MORN5: variants seen among roughly 807,000 people sequenced by gnomAD.
MORN5 encodes MORN repeat containing 5, also known as MORN repeat-containing protein 5.
In MORN5, 21 loss-of-function variants were observed where a neutral mutation model predicts 22.1. The ratio of observed to expected loss-of-function variants is 0.95; its 90% CI spans 0.67 to 1.37. MORN5 has a LOEUF of 1.37. Ranked by LOEUF, MORN5 falls within the 40% of genes most tolerant of loss-of-function variation. The pLI, the probability that MORN5 is intolerant of heterozygous loss-of-function variation, is 0.00. For missense variants in MORN5, 211 were observed against 215.1 expected (o/e 0.98, Z 0.12); for synonymous variants, 73 against 74.0 (o/e 0.99, Z 0.07).
intron 2 of MORN5, among the ~76,000 whole-genome samples, chr9:122,168,616 T>A (rs975652196): frequency 3.3e-5 from 5 of 152,180 alleles, no homozygotes; most frequent in African/African-American, 1.2e-4. Context: ...CCCAGGCCAA[T>A]GCAATTTCTA....
chr9:122,193,539 T>C (rs1258098835), intron 4 of MORN5, among the ~76,000 whole-genome samples: 1 of 152,128 alleles, frequency 6.6e-6, no homozygotes, highest in African/African-American at 2.4e-5. Flanking sequence ...GAACCAAGAT[T>C]GCGCCACTGC....
chr9:122,182,938 ATTC>A (rs1829558797), intron 4 of MORN5, among the ~76,000 whole-genome samples: 1 of 152,164 alleles, frequency 6.6e-6, no homozygotes, highest in Non-Finnish European at 1.5e-5. Context: ...TGTCCTTTTC[ATTC>A]TTCTTGCCAG....
At chr9:122,198,115 G>A (rs543658676) in intron 4 of MORN5, among the ~76,000 whole-genome samples, 5 of 152,294 alleles carry the variant, frequency 3.3e-5, no homozygotes, top group East Asian at 3.9e-4. Context: ...ATCCACTGGC[G>A]ATGGACTTAG....
intron 3 of MORN5, among the ~76,000 whole-genome samples, chr9:122,169,967 G>A (rs996355939): frequency 6.6e-6 from 1 of 152,152 alleles, no homozygotes; most frequent in Admixed American, 6.5e-5. Flanking sequence ...CATGGGCAAG[G>A]GACTTTACCC....
chr9:122,174,670 CAT>C (rs762976272), intron 4 of MORN5, 43 bp downstream of exon 4: 1 of 1,613,310 alleles, frequency 6.2e-7, no homozygotes, highest in Non-Finnish European at 8.5e-7. Flanking sequence ...TCTTCACCCA[CAT>C]ATGAGTATGT....
chr9:122,189,094 C>T (rs1829702815), intron 4 of MORN5, among the ~76,000 whole-genome samples: 1 of 151,862 alleles, frequency 6.6e-6, no homozygotes, highest in Non-Finnish European at 1.5e-5. Flanking sequence ...ACTTGGGAGG[C>T]TGAGACAGGA....
chr9:122,198,268 C>T (rs1829939340), intron 4 of MORN5, among the ~76,000 whole-genome samples: 1 of 152,212 alleles, frequency 6.6e-6, no homozygotes, highest in Admixed American at 6.5e-5. Context: ...AAAAGGAAGG[C>T]ATCCCTGGCA....
intron 3 of MORN5, among the ~76,000 whole-genome samples, chr9:122,173,451 G>C (rs1014794991): frequency 2.0e-5 from 3 of 152,192 alleles, no homozygotes; most frequent in Admixed American, 1.3e-4. Flanking sequence ...TTTAGGATCA[G>C]GGTCAGTGTC....
At chr9:122,196,485 C>A (rs191818529) in intron 4 of MORN5, among the ~76,000 whole-genome samples, 1 of 152,040 alleles carries the variant, frequency 6.6e-6, no homozygotes, top group African/African-American at 2.4e-5. Context: ...AGGCACCCAC[C>A]ACCACGCCCA....
At chr9:122,190,025 C>G (rs947310257) in intron 4 of MORN5, among the ~76,000 whole-genome samples, 73 of 151,954 alleles carry the variant, frequency 4.8e-4, no homozygotes, top group African/African-American at 1.6e-3. Flanking sequence ...GAACTTTTCC[C>G]CTCACCCATC....
At chr9:122,192,379 G>A (rs768789271) in intron 4 of MORN5, among the ~76,000 whole-genome samples, 1 of 152,218 alleles carries the variant, frequency 6.6e-6, no homozygotes, top group Non-Finnish European at 1.5e-5. Context: ...CTAGGGAGGT[G>A]TGAGGCCACT....
chr9:122,189,754 C>T (rs1433282599), intron 4 of MORN5, among the ~76,000 whole-genome samples: 1 of 152,042 alleles, frequency 6.6e-6, no homozygotes, highest in Non-Finnish European at 1.5e-5. Flanking sequence ...CCACAGGTGC[C>T]CGCCACCACG....
intron 4 of MORN5, among the ~76,000 whole-genome samples, chr9:122,190,120 A>G (rs939942983): frequency 6.6e-6 from 1 of 151,966 alleles, no homozygotes; most frequent in Non-Finnish European, 1.5e-5. Context: ...GATGGCAGGC[A>G]TGCAAAGTGC....
chr9:122,199,793 C>A, intron 4 of MORN5, 92 bp from the exon 5 acceptor site: 1 of 1,216,076 alleles, frequency 8.2e-7, no homozygotes, highest in Non-Finnish European at 1.2e-6. Context: ...GACGGACCAT[C>A]CCAGTCCCAA....
chr9:122,197,506 C>T lies in MORN5; in HGVS notation c.440-2379C>T, dbSNP rs896698782. On this transcript the variant is annotated intron_variant, in intron 4 of 4. Coordinates refer to ENST00000373764, the MANE Select transcript of MORN5 (RefSeq NM_198469.4). The surrounding 1 kb of genome is among the most constrained non-coding windows in gnomAD (Gnocchi z 5.7). ...CCTGGCGTGGCAGGGCCAGGGGAGC[C>T]GCAGAGAGGCGCAGGGGAGGCGGAG... Among the ~76,000 whole-genome samples the T allele has an allele frequency of 5.9e-5, 9 of 152,076 alleles. No homozygotes were observed. Among genetic ancestry groups the T allele is most frequent in the Non-Finnish European group, 1.5e-5 (1 of 68,024 alleles).
intron 4 of MORN5, among the ~76,000 whole-genome samples, chr9:122,178,438 G>A (rs1378926117): frequency 1.3e-5 from 2 of 152,072 alleles, no homozygotes; most frequent in African/African-American, 2.4e-5. Flanking sequence ...GTGGTGAGCC[G>A]AGATCCGCCA....
At chr9:122,181,472 G>A (rs148065943) in intron 4 of MORN5, among the ~76,000 whole-genome samples, 2,234 of 152,242 alleles carry the variant, frequency 0.015, 54 homozygotes, top group African/African-American at 0.051. Flanking sequence ...TGGTCTCTCC[G>A]CTACCCTCTA....
In MORN5 at chr9:122,166,861, C is replaced by T; in HGVS notation, c.141C>T (p.Tyr47=). The T allele has an allele frequency of 6.2e-7, 1 of 1,613,944 alleles. No homozygotes were observed. Among genetic ancestry groups the T allele is most frequent in the Non-Finnish European group, 8.5e-7 (1 of 1,179,952 alleles). ...DGMFHGEGTL[Y]FPSGSQYDAI... ...TGTTTCACGGCGAGGGAACCCTGTA[C>T]TTCCCCAGCGGAAGCCAATACGACG... is the stretch of plus-strand genomic sequence containing the variant. The change falls in exon 2 of 5, where the codon TAC becomes TAT. Residue 47 remains tyrosine, a synonymous_variant. Transcript: ENST00000373764.
chr9:122,196,610 C>T (rs1354237023), intron 4 of MORN5, among the ~76,000 whole-genome samples: 4 of 152,074 alleles, frequency 2.6e-5, no homozygotes, highest in Admixed American at 6.5e-5. Context: ...GGATTACAGG[C>T]GTAAGCCACC....
Sources: allele counts gnomAD v4.1 joint callset (sites outside exome capture counted in the v4.1 genomes callset), GRCh38; gene constraint gnomAD v4.1.1; non-coding constraint Gnocchi (gnomAD v3.1); transcripts MANE v1.5; gene names NCBI Gene and HGNC (gene_info 2026-07-23, HGNC 2026-07-21).